The following ACTR3C variants were observed in gnomAD, a reference collection of about 807,000 sequenced individuals.
ACTR3C encodes actin related protein 3C, also known as actin-related protein 3C.
ACTR3C carries 18 observed loss-of-function variants against 26.3 expected under a neutral mutation model. The ratio of observed to expected loss-of-function variants is 0.68; its 90% CI spans 0.47 to 1.01. The LOEUF is 1.01. ACTR3C is among the 50% of genes least tolerant of loss of function. ACTR3C has a pLI of 0.00. For synonymous variants in ACTR3C, 55 were observed against 94.5 expected, an observed-to-expected ratio of 0.58 and a Z score of 2.42; for missense variants, 184 against 250.7, an observed-to-expected ratio of 0.73 and a Z score of 1.80.
chr7:150,279,775 G>A (rs551716811), intron 6 of ACTR3C, among the ~76,000 whole-genome samples: 7 of 152,260 alleles, frequency 4.6e-5, no homozygotes, highest in African/African-American at 1.7e-4. Flanking sequence ...CTAATTAAAT[G>A]CAATCTGCCC....
the ACTR3C span, among the ~76,000 whole-genome samples, chr7:150,131,822 G>C: frequency 6.6e-6 from 1 of 152,334 alleles, no homozygotes; most frequent in South Asian, 2.1e-4. Context: ...GTCCACCATG[G>C]ATCAACAGAT....
chr7:150,066,425 T>A, the ACTR3C span, among the ~76,000 whole-genome samples: 1 of 152,234 alleles, frequency 6.6e-6, no homozygotes, highest in Non-Finnish European at 1.5e-5. Context: ...TCTTTCATCT[T>A]CTAAGTCAAG....
chr7:150,005,222 A>G, the ACTR3C span: 1 of 152,360 alleles, frequency 6.6e-6, no homozygotes, highest in South Asian at 2.1e-4. Flanking sequence ...CAGATACAAT[A>G]CACAGGTGGG....
At chr7:150,140,043 C>CACACACACAT in the ACTR3C span, among the ~76,000 whole-genome samples, 1 of 151,586 alleles carries the variant, frequency 6.6e-6, no homozygotes, top group African/African-American at 2.4e-5. Flanking sequence ...CATACACACT[C>CACACACACAT]GCACACACAT....
the ACTR3C span, among the ~76,000 whole-genome samples, chr7:150,192,622 C>T: frequency 2.0e-5 from 3 of 152,092 alleles, no homozygotes; most frequent in Non-Finnish European, 2.9e-5. Flanking sequence ...CCTTAAATAC[C>T]GACAGAATTC....
chr7:150,173,945 T>G, the ACTR3C span, among the ~76,000 whole-genome samples: 1 of 145,238 alleles, frequency 6.9e-6, no homozygotes, highest in Non-Finnish European at 1.5e-5. Context: ...TGAGACCACC[T>G]CAGCTAGAAC....
the ACTR3C span, among the ~76,000 whole-genome samples, chr7:150,200,182 T>G: frequency 6.6e-6 from 1 of 152,230 alleles, no homozygotes; most frequent in Non-Finnish European, 1.5e-5. Context: ...AAGTGGACAT[T>G]TTGATTAATT....
At chr7:150,132,034 C>A in the ACTR3C span, among the ~76,000 whole-genome samples, 4 of 152,184 alleles carry the variant, frequency 2.6e-5, no homozygotes, top group Non-Finnish European at 5.9e-5. Context: ...TATACTACAG[C>A]GATGGCTATT....
chr7:150,257,119 A>G (rs1325022387), intron 6 of ACTR3C, among the ~76,000 whole-genome samples: 1 of 152,264 alleles, frequency 6.6e-6, no homozygotes, highest in African/African-American at 2.4e-5. Context: ...CAAAATGAGT[A>G]TGTAACATAT....
At chr7:149,907,493 T>TCTCTCTCC in the ACTR3C span, among the ~76,000 whole-genome samples, 1 of 150,366 alleles carries the variant, frequency 6.7e-6, no homozygotes, top group African/African-American at 2.4e-5. Context: ...TCTCTCTCTC[T>TCTCTCTCC]CTCTCTCTCT....
At chr7:150,205,491 A>C in the ACTR3C span, among the ~76,000 whole-genome samples, 1 of 152,218 alleles carries the variant, frequency 6.6e-6, no homozygotes. Flanking sequence ...AATGTTACAT[A>C]AACTACGCAA....
the ACTR3C span, among the ~76,000 whole-genome samples, chr7:150,039,212 A>G: frequency 1.4e-5 from 2 of 145,500 alleles, no homozygotes; most frequent in African/African-American, 2.6e-5. Context: ...CACCTCTGCG[A>G]TGGGGGTCCT....
At chr7:150,046,658 C>CT in the ACTR3C span, among the ~76,000 whole-genome samples, 2 of 140,482 alleles carry the variant, frequency 1.4e-5, no homozygotes, top group Admixed American at 7.2e-5. Context: ...GGATTTTTCT[C>CT]TTTTCCCTGG....
the ACTR3C span, among the ~76,000 whole-genome samples, chr7:149,965,972 C>T: frequency 3.9e-5 from 6 of 152,316 alleles, no homozygotes; most frequent in Non-Finnish European, 8.8e-5. Flanking sequence ...CGGCCACTGA[C>T]GAACTGCCTG....
At chr7:150,019,925 G>A in the ACTR3C span, among the ~76,000 whole-genome samples, 2 of 152,034 alleles carry the variant, frequency 1.3e-5, no homozygotes, top group African/African-American at 4.8e-5. Flanking sequence ...GAAAAATAAA[G>A]GGTCCAGGGA....
chr7:150,210,776 C>A, the ACTR3C span, among the ~76,000 whole-genome samples: 1 of 149,084 alleles, frequency 6.7e-6, no homozygotes, highest in Non-Finnish European at 1.5e-5. Context: ...GCATGAGGCA[C>A]CTTCTGGGAA....
chr7:150,007,976 C>T, the ACTR3C span, among the ~76,000 whole-genome samples: 4 of 152,264 alleles, frequency 2.6e-5, no homozygotes, highest in African/African-American at 4.8e-5. Flanking sequence ...TGACCCCTCA[C>T]TACCTCCATC....
the ACTR3C span, among the ~76,000 whole-genome samples, chr7:149,947,289 C>CT: frequency 5.9e-5 from 8 of 135,754 alleles, no homozygotes; most frequent in African/African-American, 1.6e-4. Context: ...TTAAATATGA[C>CT]TTTTTTATAA....
the ACTR3C span, among the ~76,000 whole-genome samples, chr7:149,893,243 G>T: frequency 6.6e-6 from 1 of 152,044 alleles, no homozygotes; most frequent in Non-Finnish European, 1.5e-5. Context: ...ACAACCTGCA[G>T]TTCTGTACAC....
Sources: gnomAD v4.1 joint callset for allele counts (sites outside exome capture counted in the v4.1 genomes callset) on GRCh38, gnomAD v4.1.1 for gene constraint, MANE v1.5 for transcripts, NCBI Gene and HGNC (gene_info 2026-07-23, HGNC 2026-07-21) for gene names.